HERC2: variants seen among roughly 807,000 people sequenced by gnomAD.
HERC2 encodes the protein HECT and RLD domain containing E3 ubiquitin protein ligase 2, also known as E3 ubiquitin-protein ligase HERC2.
HERC2 carries 102 observed loss-of-function variants against 537.7 expected under a neutral mutation model. The ratio of observed to expected loss-of-function variants is 0.19; its 90% CI spans 0.16 to 0.22. The LOEUF (loss-of-function observed/expected upper bound fraction) is 0.22, where lower values mean the gene tolerates loss of function less well. Among genes scored for constraint, HERC2 ranks in the 10% least tolerant of loss-of-function variants. HERC2 has a pLI of 1.00. For synonymous variants in HERC2, 2,224 were observed against 2,466.2 expected (o/e 0.90, Z 2.91); for missense variants, 4,236 against 6,198.2 (o/e 0.68, Z 10.63).
At chr15:28,211,436 T>C (rs1899218090) in intron 43 of HERC2, among the ~76,000 whole-genome samples, 1 of 151,932 alleles carries the variant, frequency 6.6e-6, no homozygotes, top group Non-Finnish European at 1.5e-5. Context: ...CTACTATTAA[T>C]ATGATCAAAT....
Position 28,254,521 on chromosome 15 carries a change from G to A in HERC2, c.2872-3C>T. On this transcript the variant is annotated splice_region_variant and splice_polypyrimidine_tract_variant and intron_variant, in intron 19 of 92. Transcript: ENST00000261609. Reference sequence around the variant, plus strand: ...GCTTCTTTTTTGGCTTCAATATCCTGTAATTCATAAAAAGAAATTGTTTAC... The same window carrying A: ...GCTTCTTTTTTGGCTTCAATATCCTATAATTCATAAAAAGAAATTGTTTAC... The A allele has an allele frequency of 1.3e-6, 2 of 1,575,398 alleles. No homozygotes were observed. The highest frequency in any genetic ancestry group is 2.3e-5 in the South Asian group (2 of 85,140).
At chr15:28,303,917 G>A (rs2076703940) in intron 2 of HERC2, among the ~76,000 whole-genome samples, 2 of 152,282 alleles carry the variant, frequency 1.3e-5, no homozygotes, top group South Asian at 4.1e-4. Context: ...TGTAATCCCA[G>A]CACTTTGGGA....
Position 28,222,628 on chromosome 15 carries a change from G to A in HERC2, c.5465-413C>T, listed in dbSNP as rs373262181. Among the ~76,000 whole-genome samples, 120 of 152,250 alleles carry A rather than the reference G, an allele frequency of 7.9e-4. 1 individual carries two copies. The East Asian group carries it at 0.02, about 25-fold the overall frequency. On this transcript the variant is annotated intron_variant, in intron 35 of 92. Coordinates refer to ENST00000261609, the MANE Select transcript of HERC2 (RefSeq NM_004667.6). ...TCTGTGCAGAAGACAGCTAACAGCTGGCCCGAGATACAACCTCAGACAGGG... is the reference window on the plus strand; with the variant it reads ...TCTGTGCAGAAGACAGCTAACAGCTAGCCCGAGATACAACCTCAGACAGGG...
chr15:28,119,180 GC>G (rs1888605133), intron 86 of HERC2, among the ~76,000 whole-genome samples: 1 of 151,992 alleles, frequency 6.6e-6, no homozygotes, highest in South Asian at 2.1e-4. Flanking sequence ...TGGATCACCT[GC>G]AGTCAGGAGT....
intron 34 of HERC2, among the ~76,000 whole-genome samples, chr15:28,228,669 C>T (rs111651790): frequency 2.2e-4 from 33 of 152,348 alleles, no homozygotes; most frequent in African/African-American, 7.7e-4. Flanking sequence ...CGGGCAATTA[C>T]TTTAAACATC....
chr15:28,257,651 T>C (rs2140907129), intron 16 of HERC2, among the ~76,000 whole-genome samples: 1 of 152,132 alleles, frequency 6.6e-6, no homozygotes, highest in African/African-American at 2.4e-5. Context: ...AAATAACAAG[T>C]AATCGGCAAG....
intron 68 of HERC2, among the ~76,000 whole-genome samples, chr15:28,167,323 C>T (rs866403421): frequency 3.5e-4 from 53 of 152,158 alleles, no homozygotes; most frequent in African/African-American, 1.2e-3. Context: ...TCTGTCAAAA[C>T]GAAGAACTGA....
At chr15:28,198,886 G>A (rs1476527921) in intron 48 of HERC2, 117 bp from the exon 49 acceptor site, 31 of 986,150 alleles carry the variant, frequency 3.1e-5, no homozygotes, top group East Asian at 4.9e-5. Flanking sequence ...GGTGGCTCAC[G>A]TCTGTAATCC....
rs1899814503 is a variant in HERC2, at chr15:28,215,669, C to A, written c.6162G>T (p.Lys2054Asn). 3.7e-6 allele frequency: 6 copies of A among 1,611,936 alleles called. No homozygotes were observed. Among genetic ancestry groups the A allele is most frequent in the African/African-American group, 1.3e-5 (1 of 74,994 alleles). ...TGAAGGGTGCGTGCCCTTCCACGAC[C>A]TTCATGAGCAGCGTGATCCACTGCG... The part of the protein sequence containing the change: ...SSPQWITLLM[K>N]VVEGHAPFTA... Residue 2054 changes from lysine (K) to asparagine (N), a missense_variant, in exon 39 of 93, where the codon AAG becomes AAT. This residue lies in a region of HERC2 where 365 missense variants were observed against 468.8 expected (regional missense o/e 0.78). Coordinates refer to ENST00000261609, the MANE Select transcript of HERC2 (RefSeq NM_004667.6).
rs1489580265 is a variant in HERC2 at position 28,142,876 on chromosome 15, T to C, written c.11495A>G (p.Asp3832Gly). ...EALQRQFEYE[D>G]PIVRGGKQLL... is the part of the protein sequence containing the mutation. ...CTGTTTGCCACCCCTCACAATAGGA[T>C]CTTCATATTCAAACTGCCTTTGCAA... Residue 3832 changes from aspartate (D) to glycine (G), a missense_variant, in exon 75 of 93, where the codon GAT (aspartate) becomes GGT (glycine). By Grantham distance (94) the Asp-to-Gly change is moderately conservative (BLOSUM62 -1). Around this residue, in one of 27 missense-constraint regions of HERC2, gnomAD observed 23 missense variants for 60.0 expected, o/e 0.38. Coordinates refer to ENST00000261609, the MANE Select transcript of HERC2 (RefSeq NM_004667.6). The C allele has an allele frequency of 2.5e-6, 4 of 1,587,098 alleles. No individual in the cohort carries two copies. Among genetic ancestry groups the C allele is most frequent in the African/African-American group, 1.3e-5 (1 of 74,138 alleles).
At chr15:28,211,534 C>T (rs1899233319) in intron 43 of HERC2, among the ~76,000 whole-genome samples, 1 of 152,162 alleles carries the variant, frequency 6.6e-6, no homozygotes, top group Non-Finnish European at 1.5e-5. Context: ...AGCTCTTTAA[C>T]TGATGAAGAT....
rs750876705 is a variant in HERC2, at chr15:28,198,737, A to G, written c.7749T>C (p.Tyr2583=). Residue 2583 remains tyrosine (Y), a synonymous_variant, in exon 49 of 93, where the codon TAT becomes TAC. Coordinates refer to ENST00000261609, the MANE Select transcript of HERC2 (RefSeq NM_004667.6). The part of the protein sequence containing the change: ...VGMMVRCCRA[Y]EEVCEGDVGK... ...CAACATCACCTTCGCACACTTCTTCATACGCTCGGCAGCATCTAACCATCA... is the reference window on the plus strand; with the variant it reads ...CAACATCACCTTCGCACACTTCTTCGTACGCTCGGCAGCATCTAACCATCA... 1.1e-5 allele frequency: 18 copies of G among 1,613,940 alleles called. No homozygotes were observed. The highest frequency in any genetic ancestry group is 3.3e-5 in the South Asian group (3 of 91,030).
rs779070002 is a variant in HERC2 at position 28,274,415 on chromosome 15, G to C, written c.676C>G (p.Gln226Glu). 9 of 1,613,346 alleles carry C rather than the reference G, an allele frequency of 5.6e-6. No homozygotes were observed. Among genetic ancestry groups the C allele is most frequent in the South Asian group, 1.1e-5 (1 of 90,944 alleles). The change falls in exon 7 of 93, where the codon CAG becomes GAG. Residue 226 changes from glutamine (Q) to glutamate (E), a missense_variant. Gln to Glu is a conservative substitution (Grantham distance 29, BLOSUM62 2). Coordinates refer to ENST00000261609, the MANE Select transcript of HERC2 (RefSeq NM_004667.6). ...GCTCGCAGGGCGTCCAGGGACTCCT[G>C]CAACAGCTCACTGCAGAGGTCCGCA... ...EDADLCSELL[Q>E]ESLDALRALP...
chr15:28,124,745 T>TTGCTA (rs886679710), intron 84 of HERC2, among the ~76,000 whole-genome samples: 3 of 152,222 alleles, frequency 2.0e-5, no homozygotes, highest in South Asian at 2.1e-4. Flanking sequence ...AGACAGGGTT[T>TTGCTA]TGCTATGTTG....
chr15:28,198,833 A>G (rs1247933344), intron 48 of HERC2, 64 bp from the exon 49 acceptor site: 1 of 1,407,960 alleles, frequency 7.1e-7, no homozygotes, highest in African/African-American at 1.4e-5. Flanking sequence ...AGCCATGATA[A>G]GTAGTATTAC....
chr15:28,293,178 C>T (rs1231447708), intron 3 of HERC2, among the ~76,000 whole-genome samples, 156 bp from the exon 4 acceptor site: 2 of 152,140 alleles, frequency 1.3e-5, no homozygotes, highest in African/African-American at 4.8e-5. Context: ...CTGTAACAGA[C>T]CCAGTATAAT....
intron 68 of HERC2, among the ~76,000 whole-genome samples, chr15:28,163,998 C>G (rs991664065): frequency 4.6e-5 from 7 of 152,296 alleles, no homozygotes; most frequent in East Asian, 3.9e-4. Context: ...TGTTGGCACA[C>G]AGAAGCCTCC....
In HERC2 at chr15:28,173,527, G is replaced by A. The variant is rs143094546; in HGVS notation, c.10057+868C>T. The stretch of plus-strand genomic sequence containing the variant: ...TACAACATGCAAACTGGTCTGCCAC[G>A]GTGGCTCCTGCCCATAATCCCAGCA... On this transcript the variant is annotated intron_variant, in intron 65 of 92. Transcript: ENST00000261609. Among the ~76,000 whole-genome samples the A allele has an allele frequency of 6.9e-3, 1,045 of 152,092 alleles. 4 individuals are homozygous for A. The highest frequency in any genetic ancestry group is 0.01 in the Non-Finnish European group (711 of 67,990).
At position 28,180,804 on chromosome 15, in the gene HERC2, A is replaced by G. The variant is rs531038692; in HGVS notation, c.8938-1581T>C. Among the ~76,000 whole-genome samples the G allele has an allele frequency of 4.9e-4, 74 of 152,342 alleles. No homozygotes were observed. The East Asian group carries it at 9.3e-3, about 19-fold the overall frequency. ...GCCATTATTCCCTAAACAATGTAATATAACAACTATTGACATACCATTTAC... is the reference window on the plus strand; with the variant it reads ...GCCATTATTCCCTAAACAATGTAATGTAACAACTATTGACATACCATTTAC... On this transcript the variant is annotated intron_variant, in intron 57 of 92. Coordinates refer to ENST00000261609, the MANE Select transcript of HERC2 (RefSeq NM_004667.6).
Sources: gnomAD v4.1 joint callset for allele counts (sites outside exome capture counted in the v4.1 genomes callset) on GRCh38, gnomAD v4.1.1 for gene constraint, gnomAD v4.1.1 regional missense constraint, MANE v1.5 for transcripts, NCBI Gene and HGNC (gene_info 2026-07-23, HGNC 2026-07-21) for gene names.